Variants in KLB observed in about 807,000 individuals in gnomAD.
The protein encoded by KLB is klotho beta.
A neutral mutation model predicts 88.4 loss-of-function variants in KLB; 44 were observed. The ratio of observed to expected loss-of-function variants is 0.50; its 90% CI spans 0.39 to 0.64. KLB has a LOEUF of 0.64. Ranked by LOEUF, KLB falls within the 30% of genes least tolerant of loss-of-function variation. The pLI, the probability that KLB is intolerant of heterozygous loss-of-function variation, is 0.00. For missense variants in KLB, 1,137 were observed against 1,304.8 expected (o/e 0.87, Z 1.98); for synonymous variants, 548 against 513.4 (o/e 1.07, Z -0.91).
In KLB at chr4:39,451,462, A is replaced by T. The variant is rs1743898623; in HGVS notation, c.*2776A>T. ...TGGAAAATGAGGCCAGTACAGTGTGACTACATGTTTAATTTTCAATGTAAT... is the reference window on the plus strand; with the variant it reads ...TGGAAAATGAGGCCAGTACAGTGTGTCTACATGTTTAATTTTCAATGTAAT... On this transcript the variant is annotated 3_prime_UTR_variant, in exon 5 of 5. Transcript: ENST00000257408. The T allele has an allele frequency of 6.6e-6, 1 of 152,250 alleles. No individual in the cohort carries two copies. The highest frequency in any genetic ancestry group is 2.4e-5 in the African/African-American group (1 of 41,464). 9.4% of individuals were successfully genotyped at this position (152,250 alleles called of 1,614,324 possible).
intron 3 of KLB, 88 bp downstream of exon 3, chr4:39,438,083 C>T (rs969717034): frequency 4.9e-6 from 6 of 1,218,192 alleles, no homozygotes; most frequent in African/African-American, 3.0e-5. Flanking sequence ...AGATAGCTGT[C>T]AGACAATATC....
chr4:39,431,313 A>G (rs150831038), intron 1 of KLB, among the ~76,000 whole-genome samples: 100 of 151,676 alleles, frequency 6.6e-4, no homozygotes, highest in African/African-American at 2.3e-3. Context: ...TCACGATCTC[A>G]GCTCACTGCA....
chr4:39,441,508 T>C (rs1235157797), intron 3 of KLB, among the ~76,000 whole-genome samples: 1 of 152,162 alleles, frequency 6.6e-6, no homozygotes, highest in Non-Finnish European at 1.5e-5. Context: ...CCTCAGATAC[T>C]GTGAATGTCT....
Position 39,437,856 on chromosome 4 carries a change from A to G in KLB, c.1466A>G (p.Glu489Gly). ...FYVDFNSKQK[E>G]RKPKSSAHYY... ...GTGGATTTTAACAGTAAACAGAAAG[A>G]GCGGAAACCTAAGTCTTCAGCACAC... Residue 489 changes from glutamate (E) to glycine (G), a missense_variant, in exon 3 of 5, where the codon GAG becomes GGG. Coordinates refer to ENST00000257408, the MANE Select transcript of KLB (RefSeq NM_175737.4). The G allele has an allele frequency of 6.2e-7, 1 of 1,614,210 alleles. No individual in the cohort carries two copies. Among genetic ancestry groups the G allele is most frequent in the Non-Finnish European group, 8.5e-7 (1 of 1,180,040 alleles).
At chr4:39,416,687 G>A (rs1173010301) in intron 1 of KLB, among the ~76,000 whole-genome samples, 1 of 152,166 alleles carries the variant, frequency 6.6e-6, no homozygotes, top group Non-Finnish European at 1.5e-5. Flanking sequence ...TGGGGAGGCT[G>A]AGGTGAGAGA....
At position 39,448,715 on chromosome 4, in the gene KLB, A is replaced by G. The variant is rs780364678; in HGVS notation, c.*29A>G. ...GATCTGTCTGCATGATAGACAGTTT[A>G]AAAATTCATCCCAGTTCCATATGCT... is the stretch of plus-strand genomic sequence containing the variant. On this transcript the variant is annotated 3_prime_UTR_variant, in exon 5 of 5. Coordinates refer to ENST00000257408, the MANE Select transcript of KLB (RefSeq NM_175737.4). 1 of 1,579,310 alleles carries G rather than the reference A, an allele frequency of 6.3e-7. No homozygotes were observed. Among genetic ancestry groups the G allele is most frequent in the African/African-American group, 1.4e-5 (1 of 73,926 alleles).
At position 39,448,461 on chromosome 4, in the gene KLB, G is replaced by C. The variant is rs755863572; in HGVS notation, c.2910G>C (p.Glu970Asp). 1 of 1,614,144 alleles carries C rather than the reference G, an allele frequency of 6.2e-7. No homozygotes were observed. The highest frequency in any genetic ancestry group is 8.5e-7 in the Non-Finnish European group (1 of 1,179,988). The part of the protein sequence containing the change: ...KVISSRGFPF[E>D]NSSSRCSQTQ... ...TCAGCAGCAGGGGCTTCCCTTTTGA[G>C]AACAGTAGTTCTAGATGCAGTCAGA... is the stretch of plus-strand genomic sequence containing the variant. Residue 970 changes from glutamate (E) to aspartate (D), a missense_variant, in exon 5 of 5, where the codon GAG becomes GAC. Glu to Asp is a conservative substitution (Grantham distance 45, BLOSUM62 2). Transcript: ENST00000257408.
intron 1 of KLB, among the ~76,000 whole-genome samples, chr4:39,413,355 A>G (rs563445959): frequency 6.6e-6 from 1 of 152,262 alleles, no homozygotes; most frequent in African/African-American, 2.4e-5. Flanking sequence ...AAACATGCAC[A>G]GAGGTTTGGG....
intron 1 of KLB, among the ~76,000 whole-genome samples, chr4:39,418,384 C>T (rs547318303): frequency 1.3e-5 from 2 of 152,094 alleles, no homozygotes; most frequent in East Asian, 2.0e-4. Context: ...AGACTACAGG[C>T]GTGAGCCACC....
At chr4:39,447,997 G>T (rs764230809) in intron 4 of KLB, among the ~76,000 whole-genome samples, 13 of 152,112 alleles carry the variant, frequency 8.5e-5, no homozygotes, top group Non-Finnish European at 1.6e-4. Flanking sequence ...TTCTGCTTGT[G>T]ACCCTTTAAA....
At chr4:39,433,242 G>A (rs193155860) in intron 1 of KLB, among the ~76,000 whole-genome samples, 2 of 152,148 alleles carry the variant, frequency 1.3e-5, no homozygotes, top group Admixed American at 6.6e-5. Flanking sequence ...GAAAGGTTAA[G>A]TGACTTGCCT....
intron 1 of KLB, among the ~76,000 whole-genome samples, chr4:39,425,892 C>A (rs983641959): frequency 6.6e-6 from 1 of 151,592 alleles, no homozygotes; most frequent in African/African-American, 2.4e-5. Flanking sequence ...CTGAGGCGGG[C>A]GGATTACTTG....
chr4:39,433,588 G>A (rs1257434224), intron 1 of KLB, among the ~76,000 whole-genome samples: 3 of 152,174 alleles, frequency 2.0e-5, no homozygotes, highest in South Asian at 2.1e-4. Context: ...GGCCAGGCGC[G>A]ATAGCTCATG....
intron 1 of KLB, among the ~76,000 whole-genome samples, chr4:39,424,397 C>T (rs1183868028): frequency 6.6e-6 from 1 of 151,606 alleles, no homozygotes; most frequent in Non-Finnish European, 1.5e-5. Flanking sequence ...CCTTAGAGTC[C>T]TTTTTTTCTA....
In KLB at chr4:39,447,013, C is replaced by T; in HGVS notation, c.2287C>T (p.Arg763Cys). 6.2e-7 allele frequency: 1 copy of T among 1,610,724 alleles called. No homozygotes were observed. Among genetic ancestry groups the T allele is most frequent in the Non-Finnish European group, 8.5e-7 (1 of 1,179,948 alleles). The change falls in exon 4 of 5, where the codon CGC (arginine) becomes TGC (cysteine). Residue 763 changes from arginine to cysteine, a missense_variant. Around this residue, in one of 4 missense-constraint regions of KLB, gnomAD observed 426 missense variants for 404.6 expected, o/e 1.05. Coordinates refer to ENST00000257408, the MANE Select transcript of KLB (RefSeq NM_175737.4). ...TGACTCGCACTGGAGGGCGGCCGAG[C>T]GCTTCCTGCAGTTCGAGATCGCCTG... is the stretch of plus-strand genomic sequence containing the variant. ...YADSHWRAAE[R>C]FLQFEIAWFA...
chr4:39,434,856 A>C (rs1288242389), intron 2 of KLB, 136 bp downstream of exon 2: 49 of 695,988 alleles, frequency 7.0e-5, no homozygotes, highest in Admixed American at 1.8e-4. Flanking sequence ...TCCCAGGCTG[A>C]AGTGCAGTGG....
chr4:39,436,247 A>G (rs951241653), intron 2 of KLB, among the ~76,000 whole-genome samples: 1 of 152,210 alleles, frequency 6.6e-6, no homozygotes, highest in African/African-American at 2.4e-5. Context: ...AGAAAATCCC[A>G]GGTGCTGCTG....
At chr4:39,433,430 C>T (rs1439385693) in intron 1 of KLB, among the ~76,000 whole-genome samples, 2 of 152,144 alleles carry the variant, frequency 1.3e-5, no homozygotes, top group South Asian at 2.1e-4. Context: ...AAGCAATTTA[C>T]GCAGATTAAC....
chr4:39,415,862 C>G (rs1399469691), intron 1 of KLB, among the ~76,000 whole-genome samples: 1 of 152,132 alleles, frequency 6.6e-6, no homozygotes, highest in African/African-American at 2.4e-5. Flanking sequence ...AAACCCTACT[C>G]TAGGTCAAGG....
Sources: gnomAD v4.1 joint callset for allele counts (sites outside exome capture counted in the v4.1 genomes callset) on GRCh38, gnomAD v4.1.1 for gene constraint, gnomAD v4.1.1 regional missense constraint, MANE v1.5 for transcripts, NCBI Gene and HGNC (gene_info 2026-07-23, HGNC 2026-07-21) for gene names.